ANK3: variants seen among roughly 807,000 people sequenced by gnomAD.
ANK3 encodes ankyrin-3.
In ANK3, 57 loss-of-function variants were observed where a neutral mutation model predicts 370.9. The ratio of observed to expected loss-of-function variants is 0.15; its 90% CI spans 0.12 to 0.19. ANK3 has a LOEUF of 0.19. Among genes scored for constraint, ANK3 ranks in the 10% least tolerant of loss-of-function variants. ANK3 has a pLI of 1.00. For missense variants in ANK3, 4,439 were observed against 5,302.1 expected, an observed-to-expected ratio of 0.84 and a Z score of 5.06; for synonymous variants, 1,929 against 1,946.3, an observed-to-expected ratio of 0.99 and a Z score of 0.23.
chr10:60,666,893 T>C (rs1484587768), intron 1 of ANK3, among the ~76,000 whole-genome samples: 3 of 152,068 alleles, frequency 2.0e-5, no homozygotes, highest in Non-Finnish European at 4.4e-5. Flanking sequence ...TGGAGCAATT[T>C]TGAAAGACTG....
chr10:60,673,627 C>T (rs1456618386), intron 1 of ANK3, among the ~76,000 whole-genome samples: 1 of 152,222 alleles, frequency 6.6e-6, no homozygotes, highest in Admixed American at 6.5e-5. Flanking sequence ...GCTGGGATTA[C>T]AGGCATGAAC....
Position 60,108,898 on chromosome 10 carries a change from G to C in ANK3, c.3105C>G (p.Pro1035=), listed in dbSNP as rs55680239. The change falls in exon 27 of 44, where the codon CCC becomes CCG. Residue 1035 remains proline, a synonymous_variant. Coordinates refer to ENST00000280772, the MANE Select transcript of ANK3 (RefSeq NM_020987.5). ...VKRHKLANPP[P]MVEGEGLASR... is the part of the protein sequence containing the mutation. ...TGGCTAATCCCTCTCCTTCCACCAT[G>C]GGGGGTGGGTTGGCCAGTTTATGTC... is the stretch of plus-strand genomic sequence containing the variant. The C allele has an allele frequency of 3.1e-3, 5,059 of 1,614,038 alleles. 9 individuals are homozygous for C. The highest frequency in any genetic ancestry group is 3.7e-3 in the Non-Finnish European group (4,379 of 1,179,944).
chr10:60,428,320 C>T (rs572471946), intron 2 of ANK3, among the ~76,000 whole-genome samples: 5 of 152,276 alleles, frequency 3.3e-5, no homozygotes, highest in Admixed American at 2.0e-4. Flanking sequence ...ATTCTGTGCT[C>T]ATCCTTCCTT....
At chr10:60,486,966 A>G (rs1298161534) in intron 2 of ANK3, among the ~76,000 whole-genome samples, 1 of 152,194 alleles carries the variant, frequency 6.6e-6, no homozygotes, top group Non-Finnish European at 1.5e-5. Flanking sequence ...CTTAAATTCC[A>G]CGCTATTTAT....
In ANK3 at chr10:60,055,907, A is replaced by G. The variant is rs74961590; in HGVS notation, c.12816T>C (p.Asn4272=). ...CCTTGGTACTCTGTTTTCCTACATC[A>G]TTTTGGGATTCTGGAAAGTAAGATT... The part of the protein sequence containing the change: ...KTKSYFPESQ[N]DVGKQSTKET... Residue 4272 remains asparagine, a synonymous_variant, in exon 42 of 44, where the codon AAT becomes AAC. Coordinates refer to ENST00000280772, the MANE Select transcript of ANK3 (RefSeq NM_020987.5). The G allele has an allele frequency of 4.2e-5, 68 of 1,613,936 alleles. No homozygotes were observed. In the South Asian group the frequency reaches 5.7e-4, roughly 14 times the overall value.
chr10:60,607,159 T>G (rs1298522702), intron 2 of ANK3, among the ~76,000 whole-genome samples: 1 of 152,188 alleles, frequency 6.6e-6, no homozygotes, highest in Admixed American at 6.5e-5. Context: ...AGCATTATCT[T>G]CCAGTCAAGA....
rs192951263 is a variant in ANK3, at chr10:60,317,110, A to G, written c.115-37471T>C. On this transcript the variant is annotated intron_variant, in intron 1 of 43. Coordinates refer to ENST00000280772, the MANE Select transcript of ANK3 (RefSeq NM_020987.5). ...GCAAGGGCAAATTCCATCCATATACATGCATACTAACTTTTATTGAATACC... is the reference window on the plus strand; with the variant it reads ...GCAAGGGCAAATTCCATCCATATACGTGCATACTAACTTTTATTGAATACC... Among the ~76,000 whole-genome samples, 880 of 151,992 alleles carry G rather than the reference A, an allele frequency of 5.8e-3. 7 individuals are homozygous for G. The highest frequency in any genetic ancestry group is 0.02 in the African/African-American group (843 of 41,430).
chr10:60,709,853 A>C (rs898692742), intron 1 of ANK3, among the ~76,000 whole-genome samples: 1 of 151,920 alleles, frequency 6.6e-6, no homozygotes, highest in Admixed American at 6.6e-5. Context: ...AAAAGAAAAA[A>C]GAAAATCATA....
intron 2 of ANK3, among the ~76,000 whole-genome samples, chr10:60,601,555 C>T (rs557622278): frequency 6.6e-6 from 1 of 152,068 alleles, no homozygotes; most frequent in South Asian, 2.1e-4. Flanking sequence ...TCCCTCAAGA[C>T]CGTCAAGGTC....
intron 2 of ANK3, among the ~76,000 whole-genome samples, chr10:60,491,647 A>G (rs1343154917): frequency 1.3e-5 from 2 of 152,226 alleles, no homozygotes; most frequent in Non-Finnish European, 2.9e-5. Context: ...GCAGTAAAAT[A>G]TCTTAAGTGC....
intron 1 of ANK3, among the ~76,000 whole-genome samples, chr10:60,301,279 C>T (rs147330791): frequency 2.7e-4 from 40 of 148,960 alleles, no homozygotes; most frequent in East Asian, 1.2e-3. Context: ...CATATACACA[C>T]GCACACATAT....
At chr10:60,686,057 T>C (rs1033745146) in intron 1 of ANK3, among the ~76,000 whole-genome samples, 1 of 152,158 alleles carries the variant, frequency 6.6e-6, no homozygotes, top group South Asian at 2.1e-4. Flanking sequence ...CGAATTTTTA[T>C]GCAAATTGAC....
chr10:60,460,255 A>G lies in ANK3; in HGVS notation c.96+154931T>C, dbSNP rs765192564. ...CCGTCAGGAGCAAACCCTTTGGGAA[A>G]TAACCACCTGTCTCCCAGAGGCAGA... is the stretch of plus-strand genomic sequence containing the variant. On this transcript the variant is annotated intron_variant, in intron 2 of 43. Coordinates refer to the ANK3 transcript ENST00000373827. Among the ~76,000 whole-genome samples the G allele has an allele frequency of 6.1e-4, 93 of 152,184 alleles. 3 individuals are homozygous for G. The highest frequency in any genetic ancestry group is 2.4e-5 in the African/African-American group (1 of 41,458).
At chr10:60,562,422 G>A (rs907722603) in intron 2 of ANK3, among the ~76,000 whole-genome samples, 1 of 151,828 alleles carries the variant, frequency 6.6e-6, no homozygotes, top group African/African-American at 2.4e-5. Flanking sequence ...GGGGGCATCC[G>A]TGGGGTAGGG....
chr10:60,207,338 A>G (rs2096779963), intron 10 of ANK3, among the ~76,000 whole-genome samples: 1 of 152,302 alleles, frequency 6.6e-6, no homozygotes, highest in East Asian at 1.9e-4. Context: ...GACAACCTTT[A>G]CCTCAAAATT....
chr10:60,571,933 T>C lies in ANK3; in HGVS notation c.96+43253A>G, dbSNP rs566316179. On this transcript the variant is annotated intron_variant, in intron 2 of 43. Coordinates refer to the ANK3 transcript ENST00000373827. ...TAGACAAACTGGGTATATGGCTGTA[T>C]GACTGCAGGGTCGAATGCAAACCTG... Among the ~76,000 whole-genome samples, 5 of 152,304 alleles carry C rather than the reference T, an allele frequency of 3.3e-5. No individual in the cohort carries two copies. In the East Asian group the frequency reaches 9.7e-4, roughly 29 times the overall value.
In ANK3 at chr10:60,715,645, AAGTTATTTCAGAT is replaced by A. The variant is rs1412758800; in HGVS notation, c.57+17605_57+17617del. Reference sequence around the variant, plus strand: ...GTATTTCTTTCTAAAACCAGTATAAAAGTTATTTCAGATAGTTATTTCAGATATTACAGTAGTA... The same window carrying A: ...GTATTTCTTTCTAAAACCAGTATAAAAGTTATTTCAGATATTACAGTAGTA... On this transcript the variant is annotated intron_variant, in intron 1 of 43. Coordinates refer to the ANK3 transcript ENST00000373827. Among the ~76,000 whole-genome samples, 6 of 152,292 alleles carry A rather than the reference AAGTTATTTCAGAT, an allele frequency of 3.9e-5. No homozygotes were observed. The South Asian group carries it at 6.2e-4, about 16-fold the overall frequency.
chr10:60,257,911 T>C (rs2097760360), intron 7 of ANK3, among the ~76,000 whole-genome samples: 1 of 152,120 alleles, frequency 6.6e-6, no homozygotes, highest in African/African-American at 2.4e-5. Flanking sequence ...AAATGGGAAG[T>C]TGAATAATAA....
chr10:60,186,948 A>G, intron 16 of ANK3, 36 bp from the exon 17 acceptor site: 3 of 1,597,936 alleles, frequency 1.9e-6, no homozygotes, highest in Non-Finnish European at 2.6e-6. Context: ...ATGCCCAGGA[A>G]CAAGATAAAA....
Sources: gnomAD v4.1 joint callset for allele counts (sites outside exome capture counted in the v4.1 genomes callset) on GRCh38, gnomAD v4.1.1 for gene constraint, MANE v1.5 for transcripts, NCBI Gene and HGNC (gene_info 2026-07-23, HGNC 2026-07-21) for gene names.